Variants in SSBP2 observed in about 807,000 individuals in gnomAD.
SSBP2 encodes single-stranded DNA-binding protein 2.
In SSBP2, 17 loss-of-function variants were observed where a neutral mutation model predicts 61.8. The ratio of observed to expected loss-of-function variants is 0.28; its 90% confidence interval spans 0.19 to 0.41. The LOEUF is 0.41. SSBP2 is among the 10% of genes least tolerant of loss of function. SSBP2 has a pLI of 1.00. For synonymous variants in SSBP2, 139 were observed against 141.3 expected (o/e 0.98, Z 0.12); for missense variants, 310 against 458.7 (o/e 0.68, Z 2.96).
intron 4 of SSBP2, among the ~76,000 whole-genome samples, chr5:81,595,012 T>C (rs543670430): frequency 1.3e-5 from 2 of 151,936 alleles, no homozygotes; most frequent in African/African-American, 4.8e-5. Context: ...CTGAAGGAAA[T>C]AGAGACACAA....
chr5:81,467,179 A>AG (rs779855057), intron 8 of SSBP2, 114 bp from the exon 9 acceptor site: 4 of 562,776 alleles, frequency 7.1e-6, no homozygotes, highest in Non-Finnish European at 1.2e-5. Context: ...TCATTCTCTG[A>AG]GGGGTCCATT....
At chr5:81,564,682 G>A (rs76331250) in intron 4 of SSBP2, among the ~76,000 whole-genome samples, 3,387 of 152,302 alleles carry the variant, frequency 0.022, 68 homozygotes, top group Non-Finnish European at 0.032. Flanking sequence ...TGCAGGGTTA[G>A]TCTTGTAGTC....
intron 1 of SSBP2, among the ~76,000 whole-genome samples, chr5:81,706,283 G>T (rs961340514): frequency 1.9e-4 from 29 of 152,050 alleles, no homozygotes; most frequent in African/African-American, 6.5e-4. Flanking sequence ...CTAAACACTG[G>T]GTACTCACAG....
At chr5:81,485,363 C>A (rs1044408568) in intron 6 of SSBP2, among the ~76,000 whole-genome samples, 1 of 152,112 alleles carries the variant, frequency 6.6e-6, no homozygotes, top group African/African-American at 2.4e-5. Context: ...ATATCATATT[C>A]CAATACCCAG....
chr5:81,588,562 T>C (rs1184394629), intron 4 of SSBP2, among the ~76,000 whole-genome samples: 2 of 151,932 alleles, frequency 1.3e-5, no homozygotes, highest in Non-Finnish European at 2.9e-5. Context: ...AATATATCTA[T>C]ACAACCAGGT....
intron 5 of SSBP2, among the ~76,000 whole-genome samples, chr5:81,510,495 G>C (rs948723530): frequency 1.3e-5 from 2 of 152,142 alleles, no homozygotes; most frequent in African/African-American, 4.8e-5. Flanking sequence ...GGGCACAGTG[G>C]CTCACGCTTG....
At chr5:81,519,395 C>T (rs1769283603) in intron 4 of SSBP2, among the ~76,000 whole-genome samples, 1 of 152,142 alleles carries the variant, frequency 6.6e-6, no homozygotes, top group Non-Finnish European at 1.5e-5. Flanking sequence ...TCCACTGTAG[C>T]AGGTGTGAGA....
In SSBP2 at chr5:81,416,929, T is replaced by C. The variant is rs1319018687; in HGVS notation, c.*3575A>G. 2 of 152,250 alleles carry C rather than the reference T, an allele frequency of 1.3e-5. No individual in the cohort carries two copies. The highest frequency in any genetic ancestry group is 4.8e-5 in the African/African-American group (2 of 41,438). The allele number at this position is 152,250 out of a possible 1,614,324, so 9.4% of individuals were successfully genotyped here. ...CAGGCTGGAGTGCAGTGGCACAATC[T>C]CGGCTCACTGCAACCTCCGCCTCCT... On this transcript the variant is annotated 3_prime_UTR_variant, in exon 17 of 17. Coordinates refer to ENST00000320672, the MANE Select transcript of SSBP2 (RefSeq NM_012446.5).
At position 81,731,875 on chromosome 5, in the gene SSBP2, C is replaced by A; in HGVS notation, c.62+19106G>T. ...ATTGATATAATAATATTAACTTAAA[C>A]AGAGAAATGAAAAGTTTTATATTCA... On this transcript the variant is annotated intron_variant, in intron 1 of 16. Transcript: ENST00000320672. Among the ~76,000 whole-genome samples the A allele has an allele frequency of 2.0e-5, 3 of 151,170 alleles. No individual in the cohort carries two copies. In the South Asian group the frequency reaches 6.2e-4, roughly 31 times the overall value.
chr5:81,500,451 A>G (rs1039294993), intron 5 of SSBP2, among the ~76,000 whole-genome samples: 21 of 150,106 alleles, frequency 1.4e-4, no homozygotes, highest in Middle Eastern at 3.5e-3. Context: ...TGACCTTGTG[A>G]TCCTCCCGCT....
chr5:81,508,592 A>G (rs774336630), intron 5 of SSBP2, among the ~76,000 whole-genome samples: 1 of 152,194 alleles, frequency 6.6e-6, no homozygotes, highest in Non-Finnish European at 1.5e-5. Flanking sequence ...GGATTTATTA[A>G]GTGTACCAAG....
chr5:81,498,646 GTTAAT>G (rs1375701140), intron 5 of SSBP2, among the ~76,000 whole-genome samples: 2 of 152,006 alleles, frequency 1.3e-5, no homozygotes, highest in South Asian at 2.1e-4. Context: ...CCCTTTTTTA[GTTAAT>G]TTAATTATCT....
intron 4 of SSBP2, among the ~76,000 whole-genome samples, chr5:81,575,015 A>G (rs1774099061): frequency 6.6e-6 from 1 of 152,240 alleles, no homozygotes; most frequent in Non-Finnish European, 1.5e-5. Context: ...CATGCTTGTA[A>G]TCCCAGCACT....
At chr5:81,490,663 G>T (rs1766791321) in intron 5 of SSBP2, among the ~76,000 whole-genome samples, 1 of 152,136 alleles carries the variant, frequency 6.6e-6, no homozygotes, top group Non-Finnish European at 1.5e-5. Flanking sequence ...TTCCAGAGCT[G>T]TTTTAAAAGG....
intron 16 of SSBP2, among the ~76,000 whole-genome samples, chr5:81,422,926 CATA>C (rs1761702312): frequency 6.6e-6 from 1 of 152,238 alleles, no homozygotes; most frequent in South Asian, 2.1e-4. Context: ...ATTCCATGCA[CATA>C]ATGTGATTCC....
chr5:81,448,055 TG>T (rs1214735308), intron 11 of SSBP2: 1 of 152,172 alleles, frequency 6.6e-6, no homozygotes, highest in Non-Finnish European at 1.5e-5. Flanking sequence ...CCACCACCTC[TG>T]AACATTTCTG....
At chr5:81,721,188 T>TGTTTA (rs1484420667) in intron 1 of SSBP2, among the ~76,000 whole-genome samples, 1 of 152,126 alleles carries the variant, frequency 6.6e-6, no homozygotes. Context: ...CTTGATGAGA[T>TGTTTA]GTTTAGTTAC....
chr5:81,474,652 T>C (rs1765468775), intron 6 of SSBP2, 90 bp from the exon 7 acceptor site: 4 of 895,374 alleles, frequency 4.5e-6, no homozygotes, highest in Non-Finnish European at 6.6e-6. Context: ...GCTTGTATGA[T>C]AATTACAAGA....
chr5:81,488,040 T>TATATATATATATATAC, intron 6 of SSBP2, among the ~76,000 whole-genome samples: 1 of 28,498 alleles, frequency 3.5e-5, no homozygotes, highest in African/African-American at 8.2e-4. Flanking sequence ...TATATATATA[T>TATATATATATATATAC]ATATATATAT....
Sources: gnomAD v4.1 joint callset for allele counts (sites outside exome capture counted in the v4.1 genomes callset) on GRCh38, gnomAD v4.1.1 for gene constraint, MANE v1.5 for transcripts, NCBI Gene and HGNC (gene_info 2026-07-23, HGNC 2026-07-21) for gene names.